Variants in RPH3AL observed in about 807,000 individuals in gnomAD.
The protein encoded by RPH3AL is rab effector Noc2.
Under a neutral mutation model 43.1 loss-of-function variants are expected in RPH3AL, and 38 were observed. That is an observed-to-expected ratio of 0.88 (90% CI 0.68 to 1.15). The LOEUF (loss-of-function observed/expected upper bound fraction) is 1.15, where lower values mean the gene tolerates loss of function less well. Among genes scored for constraint, RPH3AL ranks in the 50% most tolerant of loss-of-function variants. The probability of loss-of-function intolerance (pLI) is 0.00; values close to 1 mark genes in which losing one functional copy is unlikely to be tolerated. For missense variants in RPH3AL, 462 were observed against 423.2 expected, an observed-to-expected ratio of 1.09 and a Z score of -0.81; for synonymous variants, 189 against 176.3, an observed-to-expected ratio of 1.07 and a Z score of -0.57.
At chr17:281,933 A>G in intron 5 of RPH3AL, 79 bp from the exon 6 acceptor site, 1 of 1,028,188 alleles carries the variant, frequency 9.7e-7, no homozygotes. Context: ...ACTGTAACGA[A>G]GGGACACTTA....
chr17:242,126 G>GA (rs1250767933), intron 7 of RPH3AL, among the ~76,000 whole-genome samples: 2 of 152,010 alleles, frequency 1.3e-5, no homozygotes, highest in South Asian at 2.1e-4. Flanking sequence ...ATAAAAAAAA[G>GA]AAAAAAATTA....
At position 333,307 on chromosome 17, in the gene RPH3AL, A is replaced by G; in HGVS notation, c.-37+452T>C. 1 of 1,285,398 alleles carries G rather than the reference A, an allele frequency of 7.8e-7. No individual in the cohort carries two copies. Among genetic ancestry groups the G allele is most frequent in the Non-Finnish European group, 1.0e-6 (1 of 986,852 alleles). The allele number at this position is 1,285,398 out of a possible 1,614,324, so 79.6% of individuals were successfully genotyped here. On this transcript the variant is annotated intron_variant, in intron 2 of 9. Coordinates refer to ENST00000331302, the MANE Select transcript of RPH3AL (RefSeq NM_006987.4). This position sits in a 1 kb window ranked among gnomAD's most constrained non-coding sequence, Gnocchi z 4.5. ...TGGTCACTCCTGGGGGCGGTAGGAT[A>G]TTTTATCCTAAAGAGAAAACACCTT...
Position 289,058 on chromosome 17 carries a change from C to T in RPH3AL, c.352-7204G>A, listed in dbSNP as rs944477474. Among the ~76,000 whole-genome samples the T allele has an allele frequency of 5.9e-5, 9 of 152,296 alleles. No individual in the cohort carries two copies. In the South Asian group the frequency reaches 1.5e-3, roughly 25 times the overall value. On this transcript the variant is annotated intron_variant, in intron 5 of 9. Transcript: ENST00000331302. The surrounding 1 kb of genome is among the most constrained non-coding windows in gnomAD (Gnocchi z 5.2). The stretch of plus-strand genomic sequence containing the variant: ...AGGGGGTTCCCCAGGGACCTGCCCA[C>T]GGGACACAGGCTTTGGGGCAGGAGA...
intron 5 of RPH3AL, among the ~76,000 whole-genome samples, chr17:304,249 A>T (rs1051026576): frequency 6.6e-6 from 1 of 151,866 alleles, no homozygotes; most frequent in Non-Finnish European, 1.5e-5. Context: ...TTTATCACAT[A>T]CTTTCCTCAT....
rs1355219633 is a variant in RPH3AL, at chr17:323,780, C to A, written c.78-2365G>T. ...ACACTACAGATGTCTTCCATCGGACCCTCACAGTCACCCCGAGGCAGGCCC... is the reference window on the plus strand; with the variant it reads ...ACACTACAGATGTCTTCCATCGGACACTCACAGTCACCCCGAGGCAGGCCC... On this transcript the variant is annotated intron_variant, in intron 3 of 9. Coordinates refer to ENST00000331302, the MANE Select transcript of RPH3AL (RefSeq NM_006987.4). This position sits in a 1 kb window ranked among gnomAD's most constrained non-coding sequence, Gnocchi z 4.4. 6.6e-6 allele frequency among the ~76,000 whole-genome samples: 1 copy of A among 152,180 alleles called. No homozygotes were observed. Among genetic ancestry groups the A allele is most frequent in the Non-Finnish European group, 1.5e-5 (1 of 68,020 alleles).
chr17:331,439 G>A (rs2044760445), intron 2 of RPH3AL: 3 of 593,420 alleles, frequency 5.1e-6, no homozygotes, highest in African/African-American at 3.9e-5. Flanking sequence ...GGTCGGACAT[G>A]AGGACCCAGG....
rs535137384 is a variant in RPH3AL, at chr17:346,717, A to T, written c.-213+5995T>A. 5.9e-5 allele frequency among the ~76,000 whole-genome samples: 8 copies of T among 135,814 alleles called. 2 individuals carry two copies. The East Asian group carries it at 1.9e-3, about 32-fold the overall frequency. 89.1% of individuals were successfully genotyped at this position (135,814 alleles called of 152,430 possible). A position where few individuals can be genotyped will look rare whatever the true frequency, so the allele number is the denominator to read the frequency against. On this transcript the variant is annotated intron_variant, in intron 1 of 9. Transcript: ENST00000331302. ...CCTTTCAGATAAGTCAGAGACAATA[A>T]ATAAGATTATAAATAGAAAAACACT...
chr17:219,259 T>A (rs1281329778), intron 8 of RPH3AL, among the ~76,000 whole-genome samples: 2 of 138,844 alleles, frequency 1.4e-5, no homozygotes, highest in Non-Finnish European at 3.0e-5. Context: ...AGTTCAGTGA[T>A]GCAATCTGGG....
At chr17:310,784 A>G (rs1443182991) in intron 5 of RPH3AL, among the ~76,000 whole-genome samples, 1 of 152,154 alleles carries the variant, frequency 6.6e-6, no homozygotes, top group African/African-American at 2.4e-5. Context: ...TTTGTGGGAT[A>G]AGGAAGGGAT....
chr17:215,010 G>A lies in RPH3AL; in HGVS notation c.876+644C>T, dbSNP rs895525636. ...GGGGAAGGAGAGAGGTGCGGCAGGC[G>A]TTCCTGTGGGTGGCTGCCGGGTGCC... On this transcript the variant is annotated intron_variant, in intron 9 of 9. Coordinates refer to ENST00000331302, the MANE Select transcript of RPH3AL (RefSeq NM_006987.4). The surrounding 1 kb of genome is among the most constrained non-coding windows in gnomAD (Gnocchi z 4.1). Among the ~76,000 whole-genome samples the A allele has an allele frequency of 2.0e-5, 3 of 152,248 alleles. No homozygotes were observed. Among genetic ancestry groups the A allele is most frequent in the East Asian group, 1.9e-4 (1 of 5,172 alleles).
intron 5 of RPH3AL, among the ~76,000 whole-genome samples, chr17:295,965 G>T (rs2043167576): frequency 1.7e-5 from 2 of 118,092 alleles, no homozygotes; most frequent in African/African-American, 3.4e-5. Flanking sequence ...AAAGCAGAGG[G>T]AATGCACATC....
Position 245,478 on chromosome 17 carries a change from AGT to A in RPH3AL, c.613+1631_613+1632del, listed in dbSNP as rs547320571. 6.6e-6 allele frequency among the ~76,000 whole-genome samples: 1 copy of A among 150,770 alleles called. No homozygotes were observed. The highest frequency in any genetic ancestry group is 1.5e-5 in the Non-Finnish European group (1 of 67,706). On this transcript the variant is annotated intron_variant, in intron 7 of 9. Transcript: ENST00000331302. This position sits in a 1 kb window ranked among gnomAD's most constrained non-coding sequence, Gnocchi z 5.9. The stretch of plus-strand genomic sequence containing the variant: ...GGTTGTGTTTGTGTGCGTGGATGTG[AGT>A]GTGTGTGTATGCCCTGACTTGGAGC...
intron 1 of RPH3AL, among the ~76,000 whole-genome samples, chr17:345,271 C>A (rs78602782): frequency 0.025 from 3,369 of 135,256 alleles, 512 homozygotes; most frequent in African/African-American, 0.08. Flanking sequence ...CAGAGTGAGA[C>A]CCTGTCTCAA....
chr17:320,357 C>G (rs376922266), intron 4 of RPH3AL, among the ~76,000 whole-genome samples: 1 of 152,030 alleles, frequency 6.6e-6, no homozygotes, highest in African/African-American at 2.4e-5. Context: ...AAGATAAGGC[C>G]GGGCAGGGTG....
At chr17:314,254 G>T (rs911806441) in intron 5 of RPH3AL, among the ~76,000 whole-genome samples, 1 of 152,152 alleles carries the variant, frequency 6.6e-6, no homozygotes, top group African/African-American at 2.4e-5. Context: ...CACAGGCCAG[G>T]CTCTGTGCCT....
intron 7 of RPH3AL, among the ~76,000 whole-genome samples, chr17:229,732 G>C (rs1454138076): frequency 1.3e-5 from 2 of 152,146 alleles, no homozygotes; most frequent in African/African-American, 4.8e-5. Flanking sequence ...GGTTCACACA[G>C]CCTGCTCTTC....
At chr17:266,167 T>A (rs1019909801) in intron 6 of RPH3AL, among the ~76,000 whole-genome samples, 4 of 152,200 alleles carry the variant, frequency 2.6e-5, no homozygotes, top group Non-Finnish European at 5.9e-5. Flanking sequence ...GATTCATGTA[T>A]TTGTGTTTTA....
At chr17:259,302 ACT>A (rs1466001805) in intron 6 of RPH3AL, among the ~76,000 whole-genome samples, 1 of 152,160 alleles carries the variant, frequency 6.6e-6, no homozygotes, top group African/African-American at 2.4e-5. Context: ...CATAAAACAC[ACT>A]GTCAGTATTT....
rs55708732 is a variant in RPH3AL, at chr17:237,216, A to G, written c.613+9895T>C. ...CCCTCAGGCTTGCTTTCACGCCACC[A>G]CAAAAAGGACCACAGTTTGGAATTT... On this transcript the variant is annotated intron_variant, in intron 7 of 9. Transcript: ENST00000331302. Among the ~76,000 whole-genome samples the G allele has an allele frequency of 6.4e-3, 974 of 152,364 alleles. 6 individuals carry two copies. The highest frequency in any genetic ancestry group is 0.011 in the Non-Finnish European group (764 of 68,036).
Sources: gnomAD v4.1 joint callset for allele counts (sites outside exome capture counted in the v4.1 genomes callset) on GRCh38, gnomAD v4.1.1 for gene constraint, Gnocchi (gnomAD v3.1) non-coding constraint, MANE v1.5 for transcripts, NCBI Gene and HGNC (gene_info 2026-07-23, HGNC 2026-07-21) for gene names.